OR4K13: variants seen among roughly 807,000 people sequenced by gnomAD.
OR4K13 encodes the protein olfactory receptor family 4 subfamily K member 13.
For synonymous variants in OR4K13, 160 were observed against 134.8 expected (o/e 1.19, Z -1.30); for missense variants, 403 against 366.0 (o/e 1.10, Z -0.82).
chr14:20,031,184 G>A lies in OR4K13; in HGVS notation c.*2660C>T, dbSNP rs866540197. The A allele has an allele frequency of 2.0e-5, 3 of 152,314 alleles. No individual in the cohort carries two copies. The highest frequency in any genetic ancestry group is 1.3e-4 in the Admixed American group (2 of 15,308). The allele number at this position is 152,314 out of a possible 1,614,324, so 9.4% of individuals were successfully genotyped here. On this transcript the variant is annotated 3_prime_UTR_variant, in exon 2 of 2. Coordinates refer to ENST00000641904, the MANE Select transcript of OR4K13 (RefSeq NM_001004714.2). ...TCGGCTCCTCTGAAACAGCAATACT[G>A]TAAAACGCCGAGAACCTCATGCTCA... is the stretch of plus-strand genomic sequence containing the variant.
At position 20,033,197 on chromosome 14, in the gene OR4K13, G is replaced by C. The variant is rs1877464123; in HGVS notation, c.*647C>G. On this transcript the variant is annotated 3_prime_UTR_variant, in exon 2 of 2. Transcript: ENST00000641904. The stretch of plus-strand genomic sequence containing the variant: ...GGCTATATCTTCTGGCATTCTGTAG[G>C]CTCACAAAATATGTGAAGAATGGTG... 2 of 152,184 alleles carry C rather than the reference G, an allele frequency of 1.3e-5. No homozygotes were observed. The highest frequency in any genetic ancestry group is 2.9e-5 in the Non-Finnish European group (2 of 68,078). 9.4% of individuals were successfully genotyped at this position (152,184 alleles called of 1,614,324 possible).
chr14:20,035,095 A>C, intron 1 of OR4K13, 114 bp from the exon 2 acceptor site: 1 of 208,218 alleles, frequency 4.8e-6, no homozygotes, highest in Non-Finnish European at 9.6e-6. Context: ...ACTGGGTGAC[A>C]CAGGACAAGT....
chr14:20,031,596 C>T lies in OR4K13; in HGVS notation c.*2248G>A, dbSNP rs186285994. 3.0e-4 allele frequency: 45 copies of T among 152,074 alleles called. No individual in the cohort carries two copies. The highest frequency in any genetic ancestry group is 1.0e-3 in the African/African-American group (42 of 41,488). The allele number at this position is 152,074 out of a possible 1,614,324, so 9.4% of individuals were successfully genotyped here. ...TTACAAATAATTTATATCACAAATT[C>T]GTGACAATTTGCTCAACAAATTGTC... On this transcript the variant is annotated 3_prime_UTR_variant, in exon 2 of 2. Transcript: ENST00000641904.
chr14:20,033,625 CA>C lies in OR4K13; in HGVS notation c.*218del. ...TCACAAAAAGGTGTTTGCTTTTTAACAATTACATCTACTATTTCCTCATATG... is the reference window on the plus strand; with the variant it reads ...TCACAAAAAGGTGTTTGCTTTTTAACATTACATCTACTATTTCCTCATATG... On this transcript the variant is annotated 3_prime_UTR_variant, in exon 2 of 2. Coordinates refer to ENST00000641904, the MANE Select transcript of OR4K13 (RefSeq NM_001004714.2). 3 of 359,810 alleles carry C rather than the reference CA, an allele frequency of 8.3e-6. No homozygotes were observed. In the South Asian group the frequency reaches 1.2e-4, roughly 15 times the overall value. The allele number at this position is 359,810 out of a possible 1,614,324, so 22.3% of individuals were successfully genotyped here.
Position 20,034,603 on chromosome 14 carries a change from A to C in OR4K13, c.156T>G (p.Asp52Glu). 6.2e-7 allele frequency: 1 copy of C among 1,614,060 alleles called. No individual in the cohort carries two copies. Among genetic ancestry groups the C allele is most frequent in the South Asian group, 1.1e-5 (1 of 91,066 alleles). The change falls in exon 2 of 2, where the codon GAT becomes GAG. Residue 52 changes from aspartate to glutamate, a missense_variant. Asp to Glu is a conservative substitution (Grantham distance 45). Transcript: ENST00000641904. ...NLLILVTVTF[D>E]SLLHTPMYFL... is the part of the protein sequence containing the mutation. ...AATACATTGGTGTGTGAAGGAGCGA[A>C]TCAAAGGTCACAGTCACCAAGATGA...
rs1214387347 is a variant in OR4K13, at chr14:20,030,142, G to A, written c.*3702C>T. ...TGTCAAGGACAGGAAATGGGAAGGA[G>A]GAGGTGACTACTGTGGGGGACAGGA... is the stretch of plus-strand genomic sequence containing the variant. On this transcript the variant is annotated 3_prime_UTR_variant, in exon 2 of 2. Transcript: ENST00000641904. 1.3e-5 allele frequency: 2 copies of A among 152,022 alleles called. No individual in the cohort carries two copies. Among genetic ancestry groups the A allele is most frequent in the African/African-American group, 2.4e-5 (1 of 41,394 alleles). 9.4% of individuals were successfully genotyped at this position (152,022 alleles called of 1,614,324 possible). A position where few individuals can be genotyped will look rare whatever the true frequency, so the allele number is the denominator to read the frequency against.
At chr14:20,035,830 TA>T (rs1347168900) in intron 1 of OR4K13, 107 bp downstream of exon 1, 1 of 152,108 alleles carries the variant, frequency 6.6e-6, no homozygotes, top group African/African-American at 2.4e-5. Context: ...GTTCAGCTTT[TA>T]AAAAAATTGC....
Position 20,033,178 on chromosome 14 carries a change from A to G in OR4K13, c.*666T>C, listed in dbSNP as rs747386749. Reference sequence around the variant, plus strand: ...GTAAGTTCCTTGAAGGCCTGGCTATATCTTCTGGCATTCTGTAGGCTCACA... The same window carrying G: ...GTAAGTTCCTTGAAGGCCTGGCTATGTCTTCTGGCATTCTGTAGGCTCACA... On this transcript the variant is annotated 3_prime_UTR_variant, in exon 2 of 2. Transcript: ENST00000641904. 6.6e-6 allele frequency: 1 copy of G among 152,252 alleles called. No individual in the cohort carries two copies. Among genetic ancestry groups the G allele is most frequent in the Non-Finnish European group, 1.5e-5 (1 of 68,088 alleles). 9.4% of individuals were successfully genotyped at this position (152,252 alleles called of 1,614,324 possible).
Position 20,032,532 on chromosome 14 carries a change from T to C in OR4K13, c.*1312A>G, listed in dbSNP as rs1345430884. Reference sequence around the variant, plus strand: ...GCTTTTCTGGATACTAGGTATAATATATCCAATAAAAGGCATAAAGTTCTT... The same window carrying C: ...GCTTTTCTGGATACTAGGTATAATACATCCAATAAAAGGCATAAAGTTCTT... On this transcript the variant is annotated 3_prime_UTR_variant, in exon 2 of 2. Transcript: ENST00000641904. 1 of 152,214 alleles carries C rather than the reference T, an allele frequency of 6.6e-6. No individual in the cohort carries two copies. Among genetic ancestry groups the C allele is most frequent in the Non-Finnish European group, 1.5e-5 (1 of 68,048 alleles). 9.4% of individuals were successfully genotyped at this position (152,214 alleles called of 1,614,324 possible). A position where few individuals can be genotyped will look rare whatever the true frequency, so the allele number is the denominator to read the frequency against.
rs1344268938 is a variant in OR4K13, at chr14:20,034,308, C to T, written c.451G>A (p.Val151Ile). 6.2e-7 allele frequency: 1 copy of T among 1,614,010 alleles called. No individual in the cohort carries two copies. Among genetic ancestry groups the T allele is most frequent in the Non-Finnish European group, 8.5e-7 (1 of 1,180,028 alleles). The part of the protein sequence containing the change: ...LTGLLLSSYA[V>I]GFVHSSSQMA... ...TGACTAGATGAGTGCACAAATCCAA[C>T]TGCATAGGAGGATAACAGTAGCCCA... Residue 151 changes from valine (V) to isoleucine (I), a missense_variant, in exon 2 of 2, where the codon GTT (valine) becomes ATT (isoleucine). Transcript: ENST00000641904.
In OR4K13 at chr14:20,030,387, T is replaced by C. The variant is rs1877387816; in HGVS notation, c.*3457A>G. The C allele has an allele frequency of 6.6e-6, 1 of 152,034 alleles. No individual in the cohort carries two copies. The highest frequency in any genetic ancestry group is 2.4e-5 in the African/African-American group (1 of 41,436). The allele number at this position is 152,034 out of a possible 1,614,324, so 9.4% of individuals were successfully genotyped here. A position where few individuals can be genotyped will look rare whatever the true frequency, so the allele number is the denominator to read the frequency against. On this transcript the variant is annotated 3_prime_UTR_variant, in exon 2 of 2. Transcript: ENST00000641904. Reference sequence around the variant, plus strand: ...ATTAAAATAATAAAAAATAAATTGCTATAAAAGCTCACAAAACCATACACT... The same window carrying C: ...ATTAAAATAATAAAAAATAAATTGCCATAAAAGCTCACAAAACCATACACT...
chr14:20,034,896 C>T lies in OR4K13; in HGVS notation c.-138G>A, dbSNP rs139925002. The T allele has an allele frequency of 3.2e-4, 226 of 701,626 alleles. No individual in the cohort carries two copies. In the African/African-American group the frequency reaches 3.6e-3, roughly 11 times the overall value. The allele number at this position is 701,626 out of a possible 1,614,324, so 43.5% of individuals were successfully genotyped here. On this transcript the variant is annotated 5_prime_UTR_variant, in exon 2 of 2. Transcript: ENST00000641904. ...GCACTTGAACTTACAAGGACCCTTA[C>T]TTTTGTGGAATTTTGTCAGTCAGTG...
At position 20,034,653 on chromosome 14, in the gene OR4K13, C is replaced by A. The variant is rs201396872; in HGVS notation, c.106G>T (p.Val36Leu). The change falls in exon 2 of 2, where the codon GTG becomes TTG. Residue 36 changes from valine (V) to leucine (L), a missense_variant. Physicochemically the swap from Val to Leu is conservative, Grantham distance 32. Transcript: ENST00000641904. ...AGCAGGTTTCCTAACACAATCCCCA[C>A]GAAGACCACAGAGAATCCCAAGAAG... is the stretch of plus-strand genomic sequence containing the variant. Reference protein sequence around the residue: ...LFFLGFSVVFVGIVLGNLLIL... With the variant: ...LFFLGFSVVFLGIVLGNLLIL... The A allele has an allele frequency of 5.1e-5, 83 of 1,613,766 alleles. No individual in the cohort carries two copies. The highest frequency in any genetic ancestry group is 8.3e-5 in the Admixed American group (5 of 59,928).
intron 1 of OR4K13, chr14:20,035,646 T>A (rs982982391): frequency 2.6e-5 from 4 of 152,070 alleles, no homozygotes; most frequent in African/African-American, 9.7e-5. Flanking sequence ...ATTTACCTGG[T>A]TATTGCTATG....
Position 20,033,959 on chromosome 14 carries a change from A to C in OR4K13, c.800T>G (p.Val267Gly). The stretch of plus-strand genomic sequence containing the variant: ...GTAAAACACAGAAAGAATTTTATCT[A>C]CCGAGTATCTGCTGAAGGGCCAGAC... The part of the protein sequence containing the change: ...IYVWPFSRYS[V>G]DKILSVFYTI... The change falls in exon 2 of 2, where the codon GTA becomes GGA. Residue 267 changes from valine to glycine, a missense_variant. Transcript: ENST00000641904. The C allele has an allele frequency of 1.2e-6, 2 of 1,613,144 alleles. No homozygotes were observed. Among genetic ancestry groups the C allele is most frequent in the Non-Finnish European group, 1.7e-6 (2 of 1,179,144 alleles).
At position 20,030,070 on chromosome 14, in the gene OR4K13, T is replaced by G. The variant is rs1266579404; in HGVS notation, c.*3774A>C. 6.6e-6 allele frequency: 1 copy of G among 152,162 alleles called. No homozygotes were observed. Among genetic ancestry groups the G allele is most frequent in the South Asian group, 2.1e-4 (1 of 4,824 alleles). 9.4% of individuals were successfully genotyped at this position (152,162 alleles called of 1,614,324 possible). A position where few individuals can be genotyped will look rare whatever the true frequency, so the allele number is the denominator to read the frequency against. ...TATTTGCTGTATGATTCTACCTATA[T>G]GACAATCTTGAAAAAGCAAACTCTA... On this transcript the variant is annotated 3_prime_UTR_variant, in exon 2 of 2. Coordinates refer to ENST00000641904, the MANE Select transcript of OR4K13 (RefSeq NM_001004714.2).
At chr14:20,035,130 C>T in intron 1 of OR4K13, 149 bp from the exon 2 acceptor site, 1 of 178,166 alleles carries the variant, frequency 5.6e-6, no homozygotes, top group Non-Finnish European at 1.2e-5. Flanking sequence ...GGGTTTTCTT[C>T]TCAGTGAAAA....
Position 20,029,552 on chromosome 14 carries a change from T to A in OR4K13, c.*4292A>T, listed in dbSNP as rs1259909716. 6.6e-6 allele frequency: 1 copy of A among 152,122 alleles called. No individual in the cohort carries two copies. Among genetic ancestry groups the A allele is most frequent in the African/African-American group, 2.4e-5 (1 of 41,412 alleles). The allele number at this position is 152,122 out of a possible 1,614,324, so 9.4% of individuals were successfully genotyped here. On this transcript the variant is annotated 3_prime_UTR_variant, in exon 2 of 2. Coordinates refer to ENST00000641904, the MANE Select transcript of OR4K13 (RefSeq NM_001004714.2). Reference sequence around the variant, plus strand: ...GTAAAATCACACTAGTTAACGTAAATGAAGAATCGAATGACACAAACGAAG... The same window carrying A: ...GTAAAATCACACTAGTTAACGTAAAAGAAGAATCGAATGACACAAACGAAG...
At chr14:20,035,446 T>C (rs1877542724) in intron 1 of OR4K13, among the ~76,000 whole-genome samples, 1 of 48,248 alleles carries the variant, frequency 2.1e-5, no homozygotes, top group Admixed American at 2.3e-4. Context: ...AGTATATGTA[T>C]AGTATATATA....
Sources: gnomAD v4.1 joint callset for allele counts (sites outside exome capture counted in the v4.1 genomes callset) on GRCh38, gnomAD v4.1.1 for gene constraint, MANE v1.5 for transcripts, NCBI Gene and HGNC (gene_info 2026-07-23, HGNC 2026-07-21) for gene names.